Variants in CSMD1 observed in about 807,000 individuals in gnomAD.
The protein encoded by CSMD1 is CUB and Sushi multiple domains 1.
Under a neutral mutation model 417.5 loss-of-function variants are expected in CSMD1, and 213 were observed. The ratio of observed to expected loss-of-function variants is 0.51; its 90% CI spans 0.46 to 0.57. The LOEUF (loss-of-function observed/expected upper bound fraction) is 0.57. Among genes scored for constraint, CSMD1 ranks in the 20% least tolerant of loss-of-function variants. The pLI is 0.00. For synonymous variants in CSMD1, 2,862 were observed against 1,736.8 expected (o/e 1.65, Z -16.11); for missense variants, 6,923 against 4,529.7 (o/e 1.53, Z -15.17).
rs5000537 is a variant in CSMD1 at position 4,453,016 on chromosome 8, C to A, written c.303-32951G>T. 6.2e-3 allele frequency among the ~76,000 whole-genome samples: 940 copies of A among 152,194 alleles called. 9 individuals are homozygous for A. The highest frequency in any genetic ancestry group is 0.022 in the African/African-American group (908 of 41,512). The stretch of plus-strand genomic sequence containing the variant: ...GTTTCCCACAGTCCTCTGAAGAATA[C>A]AATTTAAGGGACAACTTAGATTTTC... On this transcript the variant is annotated intron_variant, in intron 2 of 69. Coordinates refer to ENST00000635120, the MANE Select transcript of CSMD1 (RefSeq NM_033225.6).
intron 1 of CSMD1, among the ~76,000 whole-genome samples, chr8:4,945,048 C>A (rs923719506): frequency 5.9e-5 from 9 of 152,140 alleles, no homozygotes; most frequent in African/African-American, 2.2e-4. Flanking sequence ...GGTCTCTTCA[C>A]ACGAAAATTA....
At chr8:4,042,118 G>A (rs1396323164) in intron 3 of CSMD1, among the ~76,000 whole-genome samples, 1 of 151,872 alleles carries the variant, frequency 6.6e-6, no homozygotes, top group African/African-American at 2.4e-5. Flanking sequence ...AAGAAGAAAA[G>A]GAAACAAATT....
chr8:4,902,747 C>T (rs1199500231), intron 1 of CSMD1, among the ~76,000 whole-genome samples: 1 of 151,986 alleles, frequency 6.6e-6, no homozygotes, highest in Non-Finnish European at 1.5e-5. Flanking sequence ...AAATGTGTCT[C>T]CCTCTGGCCT....
At chr8:3,609,933 C>G (rs770863992) in intron 8 of CSMD1, among the ~76,000 whole-genome samples, 1 of 143,900 alleles carries the variant, frequency 6.9e-6, no homozygotes, top group Non-Finnish European at 1.5e-5. Context: ...TCCCAAGTAG[C>G]TGGGACTACG....
chr8:4,771,504 T>C (rs1470953924), intron 1 of CSMD1, among the ~76,000 whole-genome samples: 1 of 152,238 alleles, frequency 6.6e-6, no homozygotes, highest in Non-Finnish European at 1.5e-5. Context: ...TATGCTGCAT[T>C]ACTGATTCAT....
At chr8:3,154,026 G>T (rs981335500) in intron 39 of CSMD1, among the ~76,000 whole-genome samples, 2 of 152,194 alleles carry the variant, frequency 1.3e-5, no homozygotes, top group Middle Eastern at 3.4e-3. Context: ...GACTGCAGTG[G>T]TGCAATCTCA....
At chr8:3,401,621 A>G (rs761206093) in intron 15 of CSMD1, among the ~76,000 whole-genome samples, 6 of 152,212 alleles carry the variant, frequency 3.9e-5, no homozygotes, top group Non-Finnish European at 8.8e-5. Context: ...TAGTAGCTAC[A>G]GTTGGAAGTG....
At chr8:3,197,187 A>G (rs6988133) in intron 33 of CSMD1, among the ~76,000 whole-genome samples, 32,764 of 152,036 alleles carry the variant, frequency 0.22, 3,735 homozygotes, top group South Asian at 0.31. Flanking sequence ...GATGACATGG[A>G]GGGTGGGAAG....
chr8:3,361,711 A>G (rs1809194073), intron 20 of CSMD1, among the ~76,000 whole-genome samples: 1 of 150,372 alleles, frequency 6.7e-6, no homozygotes, highest in East Asian at 2.0e-4. Context: ...GAATATTTTG[A>G]TATTATTATG....
rs1814950739 is a variant in CSMD1, at chr8:3,091,568, G to C, written c.7233C>G (p.Arg2411=). The change falls in exon 48 of 70, where the codon CGC becomes CGG. Residue 2411 remains arginine (R), a synonymous_variant. Transcript: ENST00000635120. The part of the protein sequence containing the change: ...FTSRSNQLYL[R]WSTDHATSKK... Reference sequence around the variant, plus strand: ...TACTGGTGGCATGGTCAGTGGACCAGCGGAGATATAACTGATTACTCCTGC... The same window carrying C: ...TACTGGTGGCATGGTCAGTGGACCACCGGAGATATAACTGATTACTCCTGC... 6.2e-7 allele frequency: 1 copy of C among 1,610,672 alleles called. No homozygotes were observed. The highest frequency in any genetic ancestry group is 8.5e-7 in the Non-Finnish European group (1 of 1,179,176).
chr8:4,963,693 T>G (rs1809668137), intron 1 of CSMD1, among the ~76,000 whole-genome samples: 1 of 152,172 alleles, frequency 6.6e-6, no homozygotes, highest in Admixed American at 6.5e-5. Context: ...TAGACACAGG[T>G]GTCTAAAAGC....
At chr8:4,294,010 G>A (rs1032902699) in intron 3 of CSMD1, among the ~76,000 whole-genome samples, 6 of 152,178 alleles carry the variant, frequency 3.9e-5, no homozygotes, top group African/African-American at 9.7e-5. Flanking sequence ...AAAAGTTTTA[G>A]GATAAGAATC....
intron 3 of CSMD1, among the ~76,000 whole-genome samples, chr8:4,412,746 G>C (rs1796717940): frequency 6.6e-6 from 1 of 152,114 alleles, no homozygotes; most frequent in Non-Finnish European, 1.5e-5. Flanking sequence ...ACAGCTTATA[G>C]GAATTAGACT....
In CSMD1 at chr8:2,942,269, G is replaced by A. The variant is rs140424152; in HGVS notation, c.10535+203C>T. Among the ~76,000 whole-genome samples, 94 of 151,838 alleles carry A rather than the reference G, an allele frequency of 6.2e-4. No individual in the cohort carries two copies. The East Asian group carries it at 0.018, about 29-fold the overall frequency. ...GTTGATCCATGCAGCAGACCACCCCGGCTTACATTTAACTAGGTAACAAAC... is the reference window on the plus strand; with the variant it reads ...GTTGATCCATGCAGCAGACCACCCCAGCTTACATTTAACTAGGTAACAAAC... On this transcript the variant is annotated intron_variant, in intron 69 of 69. Transcript: ENST00000635120.
chr8:3,553,083 C>G (rs1300891011), intron 10 of CSMD1, among the ~76,000 whole-genome samples: 1 of 150,192 alleles, frequency 6.7e-6, no homozygotes, highest in African/African-American at 2.5e-5. Flanking sequence ...ATTCTTAAAA[C>G]CAATCAACCA....
At chr8:4,766,631 A>C (rs907612219) in intron 1 of CSMD1, among the ~76,000 whole-genome samples, 1 of 152,204 alleles carries the variant, frequency 6.6e-6, no homozygotes, top group Non-Finnish European at 1.5e-5. Context: ...CAACAAAATC[A>C]ATTAATAATA....
chr8:4,674,286 A>C lies in CSMD1; in HGVS notation c.86-36728T>G, dbSNP rs544170373. ...AGGTTATGTTGAGTCTGGCATGTGC[A>C]GGGCACAGGGATGGACCTGGATTGA... is the stretch of plus-strand genomic sequence containing the variant. On this transcript the variant is annotated intron_variant, in intron 1 of 69. Coordinates refer to ENST00000635120, the MANE Select transcript of CSMD1 (RefSeq NM_033225.6). 5.3e-5 allele frequency among the ~76,000 whole-genome samples: 8 copies of C among 152,298 alleles called. No individual in the cohort carries two copies. The South Asian group carries it at 1.7e-3, about 32-fold the overall frequency.
In CSMD1 at chr8:4,118,133, G is replaced by T. The variant is rs974472479; in HGVS notation, c.416-86034C>A. On this transcript the variant is annotated intron_variant, in intron 3 of 69. Coordinates refer to ENST00000635120, the MANE Select transcript of CSMD1 (RefSeq NM_033225.6). ...CAGGTGTACAGAATAGTGAGGAAAC[G>T]GCCCTTGGCAGACTCTCAGTGGGAG... 3.3e-5 allele frequency among the ~76,000 whole-genome samples: 5 copies of T among 152,086 alleles called. No individual in the cohort carries two copies. The East Asian group carries it at 9.7e-4, about 30-fold the overall frequency.
intron 6 of CSMD1, among the ~76,000 whole-genome samples, chr8:3,724,757 G>A (rs971532365): frequency 6.6e-6 from 1 of 152,156 alleles, no homozygotes; most frequent in African/African-American, 2.4e-5. Flanking sequence ...CTTCTGTTAT[G>A]AGTGTAAGCA....
Sources: gnomAD v4.1 joint callset for allele counts (sites outside exome capture counted in the v4.1 genomes callset) on GRCh38, gnomAD v4.1.1 for gene constraint, MANE v1.5 for transcripts, NCBI Gene and HGNC (gene_info 2026-07-23, HGNC 2026-07-21) for gene names.